LAP3: variants seen among roughly 807,000 people sequenced by gnomAD.
LAP3 encodes the protein cytosol aminopeptidase.
LAP3 carries 46 observed loss-of-function variants against 58.8 expected under a neutral mutation model. That is an observed-to-expected ratio of 0.78 (90% CI 0.62 to 1.00). LAP3 has a LOEUF of 1.00. Ranked by LOEUF, LAP3 falls within the 50% of genes least tolerant of loss-of-function variation. The pLI is 0.00. For missense variants in LAP3, 615 were observed against 659.1 expected, an observed-to-expected ratio of 0.93 and a Z score of 0.73; for synonymous variants, 257 against 237.7, an observed-to-expected ratio of 1.08 and a Z score of -0.75.
At chr4:17,598,385 A>G (rs1182333434) in intron 9 of LAP3, 71 bp from the exon 10 acceptor site, 5 of 1,115,076 alleles carry the variant, frequency 4.5e-6, no homozygotes, top group South Asian at 1.2e-5. Context: ...TCCGTCGAAC[A>G]CTGTTGCAAG....
chr4:17,606,900 T>C lies in LAP3; in HGVS notation c.1332T>C (p.Asp444=), dbSNP rs913729150. ...AACATTATACAAGACAGGTTGTAGA[T>C]TGCCAGCTTGCTGATGTTAACAACA... ...LFEHYTRQVV[D]CQLADVNNIG... is the part of the protein sequence containing the mutation. The change falls in exon 12 of 13, where the codon GAT becomes GAC. Residue 444 remains aspartate, a synonymous_variant. Coordinates refer to ENST00000226299, the MANE Select transcript of LAP3 (RefSeq NM_015907.3). 4 of 1,613,204 alleles carry C rather than the reference T, an allele frequency of 2.5e-6. No homozygotes were observed. Among genetic ancestry groups the C allele is most frequent in the African/African-American group, 2.7e-5 (2 of 74,922 alleles).
At position 17,606,755 on chromosome 4, in the gene LAP3, T is replaced by C. The variant is rs554938420; in HGVS notation, c.1261-74T>C. 4.0e-5 allele frequency: 34 copies of C among 853,036 alleles called. 1 individual carries two copies. In the South Asian group the frequency reaches 4.0e-4, roughly 10 times the overall value. The allele number at this position is 853,036 out of a possible 1,614,324, so 52.8% of individuals were successfully genotyped here. ...GTTAGAACAACTCTTCCTTCATGCA[T>C]TGAGCATGTTAATGCCATGAATTTC... On this transcript the variant is annotated intron_variant, in intron 11 of 12. Transcript: ENST00000226299.
At chr4:17,599,175 C>T (rs920527522) in intron 10 of LAP3, among the ~76,000 whole-genome samples, 4 of 152,194 alleles carry the variant, frequency 2.6e-5, no homozygotes, top group South Asian at 2.1e-4. Context: ...CCACTGTGCC[C>T]AGCCTGGGCT....
At chr4:17,597,457 C>T (rs1713859523) in intron 9 of LAP3, among the ~76,000 whole-genome samples, 1 of 152,128 alleles carries the variant, frequency 6.6e-6, no homozygotes, top group African/African-American at 2.4e-5. Flanking sequence ...TTTGTAGACA[C>T]AGGGTTTTGC....
rs777988401 is a variant in LAP3, at chr4:17,585,172, C to T, written c.704+36C>T. Reference sequence around the variant, plus strand: ...ATTGTGTCACAGACTCGAGATGTTACAGCCAGAAGGAGCCCTTGAGATCCT... The same window carrying T: ...ATTGTGTCACAGACTCGAGATGTTATAGCCAGAAGGAGCCCTTGAGATCCT... On this transcript the variant is annotated intron_variant, in intron 6 of 12. Coordinates refer to ENST00000226299, the MANE Select transcript of LAP3 (RefSeq NM_015907.3). 6 of 1,558,196 alleles carry T rather than the reference C, an allele frequency of 3.9e-6. No individual in the cohort carries two copies. In the South Asian group the frequency reaches 5.6e-5, roughly 15 times the overall value.
chr4:17,580,174 A>G (rs1366086449), intron 2 of LAP3, among the ~76,000 whole-genome samples: 5 of 64,588 alleles, frequency 7.7e-5, no homozygotes, highest in African/African-American at 4.3e-4. Context: ...TCATATATAT[A>G]TATATATGTA....
Position 17,607,633 on chromosome 4 carries a change from G to A in LAP3, c.*44G>A, listed in dbSNP as rs1239365049. The A allele has an allele frequency of 7.1e-7, 1 of 1,410,846 alleles. No individual in the cohort carries two copies. The highest frequency in any genetic ancestry group is 9.5e-7 in the Non-Finnish European group (1 of 1,051,352). The allele number at this position is 1,410,846 out of a possible 1,614,324, so 87.4% of individuals were successfully genotyped here. ...TCTTCACTCTGTCTTAAATTGGACA[G>A]TTGAACTTAAAAGGTTTTTGAATAA... On this transcript the variant is annotated 3_prime_UTR_variant, in exon 13 of 13. Coordinates refer to ENST00000226299, the MANE Select transcript of LAP3 (RefSeq NM_015907.3).
intron 6 of LAP3, chr4:17,585,639 G>T (rs190072496): frequency 1.3e-5 from 2 of 153,308 alleles, no homozygotes; most frequent in East Asian, 1.9e-4. Context: ...GCCCAGGCTG[G>T]TCTTACACTC....
chr4:17,601,539 A>C (rs570585587), intron 10 of LAP3, among the ~76,000 whole-genome samples: 47 of 152,268 alleles, frequency 3.1e-4, no homozygotes, highest in African/African-American at 1.1e-3. Flanking sequence ...AAAAACCACT[A>C]ACTTGTAAAG....
chr4:17,583,765 C>T lies in LAP3; in HGVS notation c.539+123C>T, dbSNP rs182440532. ...CTGCGTGGCTTGGCTGTGACCTCCC[C>T]ATTGCCTCAGCCATTTTAATAATGT... On this transcript the variant is annotated intron_variant, in intron 5 of 12. Transcript: ENST00000226299. 7.1e-6 allele frequency: 7 copies of T among 988,632 alleles called. No individual in the cohort carries two copies. In the Admixed American group the frequency reaches 1.1e-4, roughly 16 times the overall value. The allele number at this position is 988,632 out of a possible 1,614,324, so 61.2% of individuals were successfully genotyped here. A position where few individuals can be genotyped will look rare whatever the true frequency, so the allele number is the denominator to read the frequency against.
chr4:17,582,302 G>T lies in LAP3; in HGVS notation c.288G>T (p.Val96=), dbSNP rs1713385178. 1 of 1,613,860 alleles carries T rather than the reference G, an allele frequency of 6.2e-7. No homozygotes were observed. Among genetic ancestry groups the T allele is most frequent in the African/African-American group, 1.3e-5 (1 of 74,932 alleles). Residue 96 remains valine (V), a synonymous_variant, in exon 4 of 13, where the codon GTG becomes GTT. Transcript: ENST00000226299. Reference sequence around the variant, plus strand: ...CTGTGGGACAGGACTTCCCCAGCGTGGTGCTAGTTGGCCTCGGCAAAAAGG... The same window carrying T: ...CTGTGGGACAGGACTTCCCCAGCGTTGTGCTAGTTGGCCTCGGCAAAAAGG... ...FYGLHQDFPS[V]VLVGLGKKAA...
At chr4:17,598,855 G>C (rs1411972398) in intron 10 of LAP3, among the ~76,000 whole-genome samples, 1 of 152,018 alleles carries the variant, frequency 6.6e-6, no homozygotes, top group Non-Finnish European at 1.5e-5. Flanking sequence ...TCCTGCCTCA[G>C]CCTCCCAAGT....
rs532053090 is a variant in LAP3, at chr4:17,599,521, C to T, written c.1180+963C>T. Reference sequence around the variant, plus strand: ...ACTGCACTCCAGCTTGGTGACAGAGCGAGACTCCCTCTTAAAAAATAAAAT... The same window carrying T: ...ACTGCACTCCAGCTTGGTGACAGAGTGAGACTCCCTCTTAAAAAATAAAAT... On this transcript the variant is annotated intron_variant, in intron 10 of 12. Transcript: ENST00000226299. Among the ~76,000 whole-genome samples the T allele has an allele frequency of 3.3e-5, 5 of 151,908 alleles. No individual in the cohort carries two copies. The East Asian group carries it at 7.8e-4, about 24-fold the overall frequency.
chr4:17,583,832 A>G (rs1713430993), intron 5 of LAP3, among the ~76,000 whole-genome samples, 190 bp downstream of exon 5: 1 of 152,154 alleles, frequency 6.6e-6, no homozygotes, highest in Non-Finnish European at 1.5e-5. Context: ...CTCTCGGCAT[A>G]TGTCTGATTC....
Position 17,595,405 on chromosome 4 carries a change from CA to C in LAP3, c.864-4del. The C allele has an allele frequency of 6.2e-7, 1 of 1,613,300 alleles. No homozygotes were observed. On this transcript the variant is annotated splice_polypyrimidine_tract_variant and splice_region_variant and intron_variant, in intron 7 of 12. Transcript: ENST00000226299. ...TAATATTGCACGTTGTCCATTTCCC[CA>C]TAGTGGTGGTATCTCCATCAAGGCT... is the stretch of plus-strand genomic sequence containing the variant.
At chr4:17,588,182 C>T (rs1460943611) in intron 6 of LAP3, among the ~76,000 whole-genome samples, 3 of 144,896 alleles carry the variant, frequency 2.1e-5, no homozygotes, top group African/African-American at 5.0e-5. Context: ...CAGGCACCAA[C>T]ATGCCTGGCT....
intron 8 of LAP3, among the ~76,000 whole-genome samples, chr4:17,596,373 CTT>C (rs909516347): frequency 3.3e-5 from 5 of 151,854 alleles, no homozygotes; most frequent in Admixed American, 1.3e-4. Flanking sequence ...GAGTTTCGCT[CTT>C]GTTGCCCAGG....
intron 8 of LAP3, 48 bp from the exon 9 acceptor site, chr4:17,596,998 G>A (rs776989982): frequency 1.3e-6 from 2 of 1,587,018 alleles, no homozygotes; most frequent in Non-Finnish European, 1.7e-6. Context: ...TAGGTGGCAT[G>A]TTTGGACCCA....
At chr4:17,595,560 CAT>C in intron 8 of LAP3, 26 bp downstream of exon 8, 1 of 1,609,060 alleles carries the variant, frequency 6.2e-7, no homozygotes. Context: ...GATTACATCT[CAT>C]AACGCTTCTG....
Sources: allele counts gnomAD v4.1 joint callset (sites outside exome capture counted in the v4.1 genomes callset), GRCh38; gene constraint gnomAD v4.1.1; transcripts MANE v1.5; gene names NCBI Gene and HGNC (gene_info 2026-07-23, HGNC 2026-07-21).